Variants in CADM2 observed in about 807,000 individuals in gnomAD.
CADM2 encodes immunoglobulin superfamily member 4D.
A neutral mutation model predicts 49.8 loss-of-function variants in CADM2; 12 were observed. The observed-to-expected ratio is 0.24, with a 90% CI of 0.15 to 0.39. The LOEUF (loss-of-function observed/expected upper bound fraction) is 0.39. Ranked by LOEUF, CADM2 falls within the 10% of genes least tolerant of loss-of-function variation. The pLI, the probability that CADM2 is intolerant of heterozygous loss-of-function variation, is 1.00. For missense variants in CADM2, 378 were observed against 492.3 expected, an observed-to-expected ratio of 0.77 and a Z score of 2.20; for synonymous variants, 214 against 175.4, an observed-to-expected ratio of 1.22 and a Z score of -1.74.
chr3:85,697,407 A>G (rs1275541848), intron 1 of CADM2, among the ~76,000 whole-genome samples: 1 of 152,134 alleles, frequency 6.6e-6, no homozygotes, highest in African/African-American at 2.4e-5. Flanking sequence ...AAGTAGATAT[A>G]CAATATTGTC....
intron 1 of CADM2, among the ~76,000 whole-genome samples, chr3:85,715,592 G>C (rs554697884): frequency 6.6e-6 from 1 of 152,258 alleles, no homozygotes; most frequent in East Asian, 1.9e-4. Flanking sequence ...TGCCATGGTG[G>C]TTTGCTTCAC....
chr3:85,444,306 T>C (rs1256537329), intron 1 of CADM2, among the ~76,000 whole-genome samples: 1 of 152,038 alleles, frequency 6.6e-6, no homozygotes, highest in East Asian at 1.9e-4. Flanking sequence ...TGCTTAAACC[T>C]TCTCAAAGGC....
intron 1 of CADM2, among the ~76,000 whole-genome samples, chr3:85,557,783 T>C (rs1576798522): frequency 6.6e-6 from 1 of 151,972 alleles, no homozygotes; most frequent in East Asian, 1.9e-4. Context: ...TTTGAGAACA[T>C]TTAATCTATT....
chr3:85,724,703 A>G (rs1476299312), intron 1 of CADM2, among the ~76,000 whole-genome samples: 4 of 151,908 alleles, frequency 2.6e-5, no homozygotes, highest in Non-Finnish European at 4.4e-5. Context: ...TTTTATAAGA[A>G]CTGCAAATTT....
At chr3:85,000,147 T>TCTCTCTCTCTCTCC (rs2033389505) in intron 1 of CADM2, among the ~76,000 whole-genome samples, 4 of 148,484 alleles carry the variant, frequency 2.7e-5, no homozygotes, top group Non-Finnish European at 6.0e-5. Flanking sequence ...TCTCTCTCTC[T>TCTCTCTCTCTCTCC]CCCTGCCCCA....
intron 1 of CADM2, among the ~76,000 whole-genome samples, chr3:85,328,450 G>A (rs997997618): frequency 1.3e-5 from 2 of 152,020 alleles, no homozygotes; most frequent in Non-Finnish European, 2.9e-5. Flanking sequence ...ATCTTTGCTG[G>A]ATTTTCTGAT....
At chr3:85,848,060 A>T (rs1306157838) in intron 3 of CADM2, among the ~76,000 whole-genome samples, 1 of 151,922 alleles carries the variant, frequency 6.6e-6, no homozygotes, top group Non-Finnish European at 1.5e-5. Context: ...TATACTCATA[A>T]TTTTTTTAAT....
At chr3:85,763,070 A>ATTT in intron 2 of CADM2, among the ~76,000 whole-genome samples, 1 of 152,176 alleles carries the variant, frequency 6.6e-6, no homozygotes, top group Admixed American at 6.5e-5. Context: ...GCTTCCTGAT[A>ATTT]AGACAATGAG....
intron 1 of CADM2, among the ~76,000 whole-genome samples, chr3:84,982,204 A>C (rs1005476928): frequency 6.6e-6 from 1 of 152,122 alleles, no homozygotes; most frequent in Non-Finnish European, 1.5e-5. Context: ...AATTCTTTTT[A>C]CGGTTCATCT....
intron 8 of CADM2, chr3:86,014,309 T>C: frequency 7.3e-7 from 1 of 1,365,572 alleles, no homozygotes; most frequent in Non-Finnish European, 9.9e-7. Flanking sequence ...ATGTCCTATC[T>C]TTTACAAGAG....
At chr3:85,974,819 G>A (rs746077448) in intron 8 of CADM2, among the ~76,000 whole-genome samples, 20 of 151,388 alleles carry the variant, frequency 1.3e-4, no homozygotes, top group Admixed American at 4.6e-4. Context: ...TTGATTTAGG[G>A]GTTCTGTCTG....
At chr3:85,851,715 TA>T (rs1202856106) in intron 3 of CADM2, among the ~76,000 whole-genome samples, 2 of 150,706 alleles carry the variant, frequency 1.3e-5, no homozygotes, top group African/African-American at 4.9e-5. Context: ...ACATAACAGC[TA>T]AACTCAGCAG....
At chr3:84,999,671 A>G (rs1042367871) in intron 1 of CADM2, among the ~76,000 whole-genome samples, 4 of 152,202 alleles carry the variant, frequency 2.6e-5, no homozygotes, top group African/African-American at 9.6e-5. Flanking sequence ...GAGAATGTGC[A>G]TATCAGGCAG....
intron 1 of CADM2, among the ~76,000 whole-genome samples, chr3:85,490,785 C>T (rs1415685984): frequency 2.0e-5 from 3 of 151,534 alleles, no homozygotes; most frequent in Non-Finnish European, 4.4e-5. Context: ...ATTTAAAGTC[C>T]TTAAAATGCT....
intron 5 of CADM2, among the ~76,000 whole-genome samples, chr3:85,900,897 T>C (rs1294444808): frequency 1.3e-5 from 2 of 152,220 alleles, no homozygotes; most frequent in East Asian, 1.9e-4. Flanking sequence ...ATGATCCTTG[T>C]GGCACATAGG....
chr3:85,759,069 A>G (rs148341100), intron 2 of CADM2, among the ~76,000 whole-genome samples: 24 of 152,218 alleles, frequency 1.6e-4, no homozygotes, highest in African/African-American at 5.5e-4. Flanking sequence ...ATCATTTACT[A>G]TACAGAGAGG....
chr3:85,915,488 G>A (rs1430902037), intron 6 of CADM2, among the ~76,000 whole-genome samples: 1 of 151,984 alleles, frequency 6.6e-6, no homozygotes, highest in Non-Finnish European at 1.5e-5. Context: ...ATGAGTAGAG[G>A]ATGGAAAGGA....
chr3:85,327,604 C>A (rs1341531610), intron 1 of CADM2, among the ~76,000 whole-genome samples: 1 of 148,632 alleles, frequency 6.7e-6, no homozygotes, highest in Non-Finnish European at 1.5e-5. Flanking sequence ...CACACACACA[C>A]ATAAACTATA....
At chr3:85,481,957 G>A (rs1036368895) in intron 1 of CADM2, among the ~76,000 whole-genome samples, 8 of 151,566 alleles carry the variant, frequency 5.3e-5, no homozygotes, top group African/African-American at 1.9e-4. Context: ...ATAATAAACA[G>A]AGATCAATGG....
Sources: allele counts gnomAD v4.1 joint callset (sites outside exome capture counted in the v4.1 genomes callset), GRCh38; gene constraint gnomAD v4.1.1; transcripts MANE v1.5; gene names NCBI Gene and HGNC (gene_info 2026-07-23, HGNC 2026-07-21).